PTPA: variants seen among roughly 807,000 people sequenced by gnomAD.
The protein encoded by PTPA is serine/threonine-protein phosphatase 2A activator.
In PTPA, 13 loss-of-function variants were observed where a neutral mutation model predicts 43.6. That is an observed-to-expected ratio of 0.30 (90% CI 0.19 to 0.47). PTPA has a LOEUF of 0.47. Ranked by LOEUF, PTPA falls within the 20% of genes least tolerant of loss-of-function variation. The pLI is 0.99. For synonymous variants in PTPA, 172 were observed against 158.2 expected (o/e 1.09, Z -0.66); for missense variants, 329 against 411.9 (o/e 0.80, Z 1.74).
chr9:129,137,758 G>C lies in PTPA; in HGVS notation c.786+66G>C, dbSNP rs764282626. 8.6e-6 allele frequency: 12 copies of C among 1,395,160 alleles called. No homozygotes were observed. The Middle Eastern group carries it at 5.3e-4, about 61-fold the overall frequency. The allele number at this position is 1,395,160 out of a possible 1,614,324, so 86.4% of individuals were successfully genotyped here. ...AGGCTCAGATGAACCAAGGCTGGTG[G>C]CCTTACAGTGGATCAGAAGAGCCAG... On this transcript the variant is annotated intron_variant, in intron 8 of 9. Coordinates refer to ENST00000393370, the MANE Select transcript of PTPA (RefSeq NM_178000.3).
At chr9:129,131,173 T>TGAAG (rs1229166848) in intron 4 of PTPA, among the ~76,000 whole-genome samples, 1 of 152,224 alleles carries the variant, frequency 6.6e-6, no homozygotes, top group Non-Finnish European at 1.5e-5. Context: ...CCTGAGAGTG[T>TGAAG]GAAGGAAGGT....
At chr9:129,146,614 C>T (rs949135393) in intron 9 of PTPA, among the ~76,000 whole-genome samples, 4 of 152,212 alleles carry the variant, frequency 2.6e-5, no homozygotes, top group East Asian at 1.9e-4. Flanking sequence ...ATGCCCAGAA[C>T]GGCTCCTGTG....
chr9:129,148,646 G>A lies in PTPA; in HGVS notation c.*1182G>A, dbSNP rs919691682. On this transcript the variant is annotated 3_prime_UTR_variant, in exon 10 of 10. Transcript: ENST00000393370. ...CTGTTCCTGGGCCTGGCTCTTACAG[G>A]CTCGTCCCCCAGGCCTGCCCTTCTC... is the stretch of plus-strand genomic sequence containing the variant. 6.5e-6 allele frequency: 1 copy of A among 152,926 alleles called. No individual in the cohort carries two copies. The highest frequency in any genetic ancestry group is 2.4e-5 in the African/African-American group (1 of 41,454). The allele number at this position is 152,926 out of a possible 1,614,324, so 9.5% of individuals were successfully genotyped here.
Position 129,123,157 on chromosome 9 carries a change from T to C in PTPA, c.216+19T>C, listed in dbSNP as rs769452607. 1.3e-6 allele frequency: 2 copies of C among 1,580,786 alleles called. No homozygotes were observed. Among genetic ancestry groups the C allele is most frequent in the Admixed American group, 3.3e-5 (2 of 59,910 alleles). On this transcript the variant is annotated intron_variant, in intron 3 of 9. Transcript: ENST00000393370. Reference sequence around the variant, plus strand: ...CTCCGAGGTAGGCCCAAGGAGGAGCTGCTGCAGCAGCCTTTCCAAAAATAG... The same window carrying C: ...CTCCGAGGTAGGCCCAAGGAGGAGCCGCTGCAGCAGCCTTTCCAAAAATAG...
chr9:129,111,248 C>T (rs1041239984), upstream of PTPA: 1 of 1,153,624 alleles, frequency 8.7e-7, no homozygotes, highest in Non-Finnish European at 1.1e-6. Context: ...CCCGCACAAT[C>T]GTGGCAGTCG....
rs534623147 is a variant in PTPA, at chr9:129,123,614, A to G, written c.216+476A>G. Among the ~76,000 whole-genome samples, 3 of 151,844 alleles carry G rather than the reference A, an allele frequency of 2.0e-5. No individual in the cohort carries two copies. The South Asian group carries it at 6.2e-4, about 32-fold the overall frequency. On this transcript the variant is annotated intron_variant, in intron 3 of 9. Coordinates refer to ENST00000393370, the MANE Select transcript of PTPA (RefSeq NM_178000.3). ...TTTTGAAATCTGTGAATAGATGGAT[A>G]TTTATAAAATTGAGATCAAGGTAAA... is the stretch of plus-strand genomic sequence containing the variant.
chr9:129,138,333 G>T (rs549142642), intron 8 of PTPA, among the ~76,000 whole-genome samples: 1 of 152,314 alleles, frequency 6.6e-6, no homozygotes, highest in South Asian at 2.1e-4. Flanking sequence ...AGATCTCCTA[G>T]TGTGTTTGTT....
chr9:129,143,042 C>T (rs573925830), intron 9 of PTPA: 18 of 842,974 alleles, frequency 2.1e-5, no homozygotes, highest in African/African-American at 1.5e-4. Context: ...TTTTATGGAC[C>T]GCTTCAGGGA....
At chr9:129,146,233 C>G (rs1032107741) in intron 9 of PTPA, among the ~76,000 whole-genome samples, 1 of 152,184 alleles carries the variant, frequency 6.6e-6, no homozygotes, top group Non-Finnish European at 1.5e-5. Context: ...TCCCTGCTCC[C>G]GCATTCTGTG....
intron 5 of PTPA, among the ~76,000 whole-genome samples, chr9:129,134,184 A>G (rs1247793281): frequency 6.6e-6 from 1 of 152,108 alleles, no homozygotes; most frequent in Non-Finnish European, 1.5e-5. Flanking sequence ...GACTGCTTAC[A>G]TAGTAGGTGC....
At position 129,145,593 on chromosome 9, in the gene PTPA, C is replaced by T. The variant is rs564030329; in HGVS notation, c.895-1794C>T. Among the ~76,000 whole-genome samples, 5 of 152,186 alleles carry T rather than the reference C, an allele frequency of 3.3e-5. No individual in the cohort carries two copies. In the South Asian group the frequency reaches 1.0e-3, roughly 32 times the overall value. The stretch of plus-strand genomic sequence containing the variant: ...AACTGGTTGATTGAGGGGAGTCAGC[C>T]TCCTGGGCTGCCACAGAAGTCTGAC... On this transcript the variant is annotated intron_variant, in intron 9 of 9. Transcript: ENST00000393370.
intron 1 of PTPA, among the ~76,000 whole-genome samples, chr9:129,117,034 T>A (rs1488377065): frequency 6.6e-6 from 1 of 152,166 alleles, no homozygotes; most frequent in Non-Finnish European, 1.5e-5. Flanking sequence ...TTACACATCA[T>A]CTTATCAACT....
At chr9:129,137,734 G>A (rs1309841895) in intron 8 of PTPA, 42 bp downstream of exon 8, 1 of 1,504,472 alleles carries the variant, frequency 6.6e-7, no homozygotes, top group Non-Finnish European at 9.1e-7. Context: ...GCTGCCTCCA[G>A]GCTCAGATGA....
chr9:129,131,666 C>T (rs776330440), intron 5 of PTPA, 27 bp downstream of exon 5: 2 of 1,593,718 alleles, frequency 1.3e-6, no homozygotes, highest in Non-Finnish European at 1.7e-6. Context: ...GGGCTCTGTA[C>T]TTATCTAGCT....
At chr9:129,118,814 T>C (rs1346213402) in intron 1 of PTPA, among the ~76,000 whole-genome samples, 1 of 67,704 alleles carries the variant, frequency 1.5e-5, no homozygotes, top group Non-Finnish European at 3.2e-5. Flanking sequence ...TATGCCCAGC[T>C]TTTTTTTTTT....
chr9:129,115,206 A>G (rs188667476), intron 1 of PTPA, among the ~76,000 whole-genome samples: 3 of 152,298 alleles, frequency 2.0e-5, no homozygotes, highest in Admixed American at 1.3e-4. Context: ...CATAAAAGCA[A>G]TGTGGTTGGG....
chr9:129,126,239 G>T (rs1177909655), intron 3 of PTPA, among the ~76,000 whole-genome samples: 1 of 151,764 alleles, frequency 6.6e-6, no homozygotes, highest in African/African-American at 2.4e-5. Flanking sequence ...TGTTCCCCAG[G>T]CTGGAGTTCA....
intron 9 of PTPA, among the ~76,000 whole-genome samples, chr9:129,146,296 T>C (rs1459199451): frequency 6.6e-6 from 1 of 152,090 alleles, no homozygotes; most frequent in Non-Finnish European, 1.5e-5. Flanking sequence ...CACCCCACCA[T>C]GAGCTTGGTT....
At chr9:129,140,760 C>T (rs1411444068) in intron 8 of PTPA, among the ~76,000 whole-genome samples, 2 of 112,826 alleles carry the variant, frequency 1.8e-5, no homozygotes, top group Admixed American at 1.3e-4. Context: ...GAAGTGTGCA[C>T]AGGGCTGGAG....
Sources: allele counts gnomAD v4.1 joint callset (sites outside exome capture counted in the v4.1 genomes callset), GRCh38; gene constraint gnomAD v4.1.1; transcripts MANE v1.5; gene names NCBI Gene and HGNC (gene_info 2026-07-23, HGNC 2026-07-21).